Variants in INTS8 observed in about 807,000 individuals in gnomAD.
INTS8 encodes integrator complex subunit 8.
Under a neutral mutation model 138.9 loss-of-function variants are expected in INTS8, and 47 were observed. The observed-to-expected ratio is 0.34, with a 90% CI of 0.27 to 0.43. INTS8 has a LOEUF of 0.43. Among genes scored for constraint, INTS8 ranks in the 20% least tolerant of loss-of-function variants. The pLI is 1.00. For synonymous variants in INTS8, 392 were observed against 400.9 expected, an observed-to-expected ratio of 0.98 and a Z score of 0.27; for missense variants, 996 against 1,173.0, an observed-to-expected ratio of 0.85 and a Z score of 2.20.
intron 16 of INTS8, among the ~76,000 whole-genome samples, chr8:94,861,014 G>A (rs1224799073): frequency 2.8e-5 from 4 of 142,126 alleles, no homozygotes; most frequent in Admixed American, 1.4e-4. Context: ...CCGAGATGGC[G>A]CCACTGCACT....
At chr8:94,845,366 C>T (rs1815294984) in intron 10 of INTS8, among the ~76,000 whole-genome samples, 2 of 152,068 alleles carry the variant, frequency 1.3e-5, no homozygotes, top group South Asian at 2.1e-4. Context: ...CATGTATGGG[C>T]CTGTTTCTGA....
At chr8:94,835,114 T>C (rs2131004219) in intron 6 of INTS8, among the ~76,000 whole-genome samples, 1 of 152,310 alleles carries the variant, frequency 6.6e-6, no homozygotes, top group Admixed American at 6.5e-5. Flanking sequence ...TGGGGAGTAA[T>C]TGAAGTCTTC....
chr8:94,838,044 CTTTTTTTT>C (rs776858651), intron 7 of INTS8, among the ~76,000 whole-genome samples: 5 of 134,316 alleles, frequency 3.7e-5, no homozygotes, highest in East Asian at 2.1e-4. Context: ...TTTTTCTTTT[CTTTTTTTT>C]TTTTTTTTTC....
chr8:94,867,521 C>CT (rs35100522), intron 20 of INTS8, 184 bp downstream of exon 20: 2,714 of 238,554 alleles, frequency 0.011, no homozygotes, highest in South Asian at 0.019. Context: ...AGGCATAACC[C>CT]TTTTTTTTTT....
At chr8:94,867,973 C>T (rs949770435) in intron 20 of INTS8, 4 of 152,176 alleles carry the variant, frequency 2.6e-5, no homozygotes, top group African/African-American at 9.7e-5. Flanking sequence ...TTACAAGTAT[C>T]TATTTGAAAG....
At chr8:94,838,185 G>C (rs1391683464) in intron 7 of INTS8, among the ~76,000 whole-genome samples, 1 of 151,744 alleles carries the variant, frequency 6.6e-6, no homozygotes, top group Non-Finnish European at 1.5e-5. Flanking sequence ...CCGAGTAGCT[G>C]GGACTACAGG....
rs868778512 is a variant in INTS8 at position 94,832,954 on chromosome 8, G to A, written c.753+780G>A. Among the ~76,000 whole-genome samples the A allele has an allele frequency of 2.0e-5, 3 of 151,714 alleles. No individual in the cohort carries two copies. The South Asian group carries it at 6.2e-4, about 32-fold the overall frequency. On this transcript the variant is annotated intron_variant, in intron 6 of 26. Coordinates refer to ENST00000523731, the MANE Select transcript of INTS8 (RefSeq NM_017864.4). ...CAGGCGTGAGCCACCGCGCCCGGCCGTTGTCAGATATTACTTTGTGTGTTT... is the reference window on the plus strand; with the variant it reads ...CAGGCGTGAGCCACCGCGCCCGGCCATTGTCAGATATTACTTTGTGTGTTT...
At chr8:94,839,158 G>C (rs997627547) in intron 8 of INTS8, among the ~76,000 whole-genome samples, 2 of 152,184 alleles carry the variant, frequency 1.3e-5, no homozygotes, top group South Asian at 4.1e-4. Flanking sequence ...TGGTGGGTTT[G>C]GATGGTCTGT....
At chr8:94,879,570 G>A (rs1816710355) in intron 26 of INTS8, among the ~76,000 whole-genome samples, 1 of 151,128 alleles carries the variant, frequency 6.6e-6, no homozygotes, top group African/African-American at 2.4e-5. Context: ...ACTCCAACCT[G>A]GGCGACAAGA....
intron 16 of INTS8, among the ~76,000 whole-genome samples, chr8:94,861,352 C>T (rs564515119): frequency 1.2e-4 from 17 of 144,500 alleles, no homozygotes; most frequent in African/African-American, 2.8e-4. Flanking sequence ...AGCTCCGCCT[C>T]CCGGGTTCAC....
intron 1 of INTS8, among the ~76,000 whole-genome samples, chr8:94,824,509 C>T (rs888174033): frequency 6.6e-6 from 1 of 152,042 alleles, no homozygotes; most frequent in East Asian, 1.9e-4. Context: ...GATGGAGGTC[C>T]CCCTAATTAA....
At chr8:94,858,726 A>G (rs1376266244) in intron 15 of INTS8, among the ~76,000 whole-genome samples, 7 of 152,370 alleles carry the variant, frequency 4.6e-5, no homozygotes, top group Non-Finnish European at 2.9e-5. Context: ...AGGAAGAGAC[A>G]GAACTATGAC....
At chr8:94,836,402 G>C (rs1468325387) in intron 6 of INTS8, 122 bp from the exon 7 acceptor site, 2 of 693,944 alleles carry the variant, frequency 2.9e-6, no homozygotes, top group Admixed American at 6.0e-5. Context: ...ACCTCTCCTT[G>C]GAATATGTGT....
intron 2 of INTS8, 121 bp from the exon 3 acceptor site, chr8:94,827,142 T>TA: frequency 1.1e-6 from 1 of 876,496 alleles, no homozygotes; most frequent in East Asian, 2.5e-5. Context: ...ATTTGATAGC[T>TA]AAACCCAGAG....
At chr8:94,858,835 C>T (rs965898166) in intron 15 of INTS8, among the ~76,000 whole-genome samples, 1 of 152,180 alleles carries the variant, frequency 6.6e-6, no homozygotes, top group Non-Finnish European at 1.5e-5. Context: ...TTTGGCTGAA[C>T]AGTTTGTAGT....
Position 94,827,766 on chromosome 8 carries a change from C to G in INTS8, c.491C>G (p.Ala164Gly), listed in dbSNP as rs1441163100. 6 of 1,613,972 alleles carry G rather than the reference C, an allele frequency of 3.7e-6. No homozygotes were observed. Among genetic ancestry groups the G allele is most frequent in the Non-Finnish European group, 5.1e-6 (6 of 1,179,944 alleles). The change falls in exon 4 of 27, where the codon GCA (alanine) becomes GGA (glycine). Residue 164 changes from alanine to glycine, a missense_variant. Ala to Gly is a moderately conservative substitution (Grantham distance 60). Transcript: ENST00000523731. ...CAAAGTAGTTTTCCAGTCAAACAGG[C>G]AAAACCCGGACCCCCTCAGTTAAGT... is the stretch of plus-strand genomic sequence containing the variant. ...IVQSSFPVKQ[A>G]KPGPPQLSVM...
Position 94,876,107 on chromosome 8 carries a change from G to A in INTS8, c.2722G>A (p.Asp908Asn), listed in dbSNP as rs2131078825. 1 of 1,610,728 alleles carries A rather than the reference G, an allele frequency of 6.2e-7. No individual in the cohort carries two copies. The highest frequency in any genetic ancestry group is 8.5e-7 in the Non-Finnish European group (1 of 1,177,390). The part of the protein sequence containing the change: ...AILCQFLREI[D>N]YKTAFKSLQE... Reference sequence around the variant, plus strand: ...TTTATGTCAGTTCCTCAGAGAAATTGACTACAAAACAGCGTTTAAATCTCT... The same window carrying A: ...TTTATGTCAGTTCCTCAGAGAAATTAACTACAAAACAGCGTTTAAATCTCT... Residue 908 changes from aspartate to asparagine, a missense_variant, in exon 24 of 27, where the codon GAC (aspartate) becomes AAC (asparagine). Physicochemically the swap from Asp to Asn is conservative, Grantham distance 23. Coordinates refer to ENST00000523731, the MANE Select transcript of INTS8 (RefSeq NM_017864.4).
chr8:94,862,838 C>G (rs1392296640), intron 16 of INTS8, among the ~76,000 whole-genome samples: 2 of 151,934 alleles, frequency 1.3e-5, no homozygotes, highest in Non-Finnish European at 2.9e-5. Flanking sequence ...CACTTCCAAG[C>G]TGGTGTGGAA....
rs181137354 is a variant in INTS8 at position 94,866,787 on chromosome 8, T to G, written c.2296-353T>G. 19 of 207,888 alleles carry G rather than the reference T, an allele frequency of 9.1e-5. No homozygotes were observed. The East Asian group carries it at 2.3e-3, about 25-fold the overall frequency. The allele number at this position is 207,888 out of a possible 1,614,324, so 12.9% of individuals were successfully genotyped here. On this transcript the variant is annotated intron_variant, in intron 18 of 26. Transcript: ENST00000523731. ...AAGCCTGGCTTTAATTTTTGCTTAG[T>G]AGGATCAATGTCATATTTACTTATT...
Sources: gnomAD v4.1 joint callset for allele counts (sites outside exome capture counted in the v4.1 genomes callset) on GRCh38, gnomAD v4.1.1 for gene constraint, MANE v1.5 for transcripts, NCBI Gene and HGNC (gene_info 2026-07-23, HGNC 2026-07-21) for gene names.